Variants in SNTB2 observed in about 807,000 individuals in gnomAD.
SNTB2 encodes the protein beta-2-syntrophin.
In SNTB2, 34 loss-of-function variants were observed where a neutral mutation model predicts 46.2. The ratio of observed to expected loss-of-function variants is 0.74; its 90% confidence interval spans 0.56 to 0.98. The LOEUF is 0.98. SNTB2 is among the 50% of genes least tolerant of loss of function. The pLI is 0.00. For synonymous variants in SNTB2, 290 were observed against 312.6 expected (o/e 0.93, Z 0.76); for missense variants, 603 against 731.4 (o/e 0.82, Z 2.02).
chr16:69,279,045 T>C (rs1965011146), intron 4 of SNTB2, among the ~76,000 whole-genome samples: 1 of 152,032 alleles, frequency 6.6e-6, no homozygotes, highest in African/African-American at 2.4e-5. Flanking sequence ...CTCACAAAAT[T>C]TACCATCTAA....
chr16:69,221,661 A>G (rs1964406293), intron 1 of SNTB2, among the ~76,000 whole-genome samples: 1 of 152,166 alleles, frequency 6.6e-6, no homozygotes, highest in Non-Finnish European at 1.5e-5. Context: ...CTGTAATCCC[A>G]GCTCCTCGGG....
rs1032986410 is a variant in SNTB2 at position 69,232,502 on chromosome 16, C to CTT, written c.581-13074_581-13073dup. ...TTACAGGTGTGAGCCACGGTGCGGCCTTTTTTTTTTTTTTTTTTTTTTTTT... is the reference window on the plus strand; with the variant it reads ...TTACAGGTGTGAGCCACGGTGCGGCCTTTTTTTTTTTTTTTTTTTTTTTTTTT... On this transcript the variant is annotated intron_variant, in intron 1 of 6. Coordinates refer to ENST00000336278, the MANE Select transcript of SNTB2 (RefSeq NM_006750.4). Among the ~76,000 whole-genome samples the CTT allele has an allele frequency of 3.5e-3, 225 of 63,882 alleles. 54 individuals are homozygous for CTT. The highest frequency in any genetic ancestry group is 0.028 in the Middle Eastern group (2 of 72). 41.9% of individuals were successfully genotyped at this position (63,882 alleles called of 152,430 possible). A position where few individuals can be genotyped will look rare whatever the true frequency, so the allele number is the denominator to read the frequency against.
At chr16:69,295,538 G>A (rs1005002277) in intron 5 of SNTB2, among the ~76,000 whole-genome samples, 28 of 152,052 alleles carry the variant, frequency 1.8e-4, no homozygotes, top group South Asian at 1.5e-3. Context: ...GTGAGCCACC[G>A]CGCCCAGCCA....
At chr16:69,238,422 A>G (rs536892649) in intron 1 of SNTB2, among the ~76,000 whole-genome samples, 41 of 152,288 alleles carry the variant, frequency 2.7e-4, no homozygotes, top group Non-Finnish European at 5.0e-4. Flanking sequence ...CTCTGCCCAC[A>G]TCTTCATAAG....
intron 5 of SNTB2, among the ~76,000 whole-genome samples, chr16:69,291,984 C>T (rs1009888374): frequency 4.0e-5 from 6 of 151,202 alleles, no homozygotes; most frequent in Non-Finnish European, 8.8e-5. Flanking sequence ...CTTTGGGAGG[C>T]CGAGGTGGGC....
intron 1 of SNTB2, among the ~76,000 whole-genome samples, chr16:69,209,359 A>G (rs900989996): frequency 1.3e-5 from 2 of 152,150 alleles, no homozygotes; most frequent in Non-Finnish European, 1.5e-5. Context: ...TGCTGCTTCT[A>G]CCAATTCCAT....
rs936928379 is a variant in SNTB2 at position 69,257,669 on chromosome 16, T to C, written c.795-2381T>C. Among the ~76,000 whole-genome samples, 4 of 152,110 alleles carry C rather than the reference T, an allele frequency of 2.6e-5. No individual in the cohort carries two copies. In the South Asian group the frequency reaches 8.3e-4, roughly 32 times the overall value. On this transcript the variant is annotated intron_variant, in intron 2 of 6. Transcript: ENST00000336278. The stretch of plus-strand genomic sequence containing the variant: ...ACCATGTTAGCCAGGATGGTTTCGA[T>C]CTGCTGACCTTGTTATCCACCTGCC...
At position 69,230,099 on chromosome 16, in the gene SNTB2, TTTAAG is replaced by T. The variant is rs148393378; in HGVS notation, c.581-15498_581-15494del. Among the ~76,000 whole-genome samples, 1,075 of 152,148 alleles carry T rather than the reference TTTAAG, an allele frequency of 7.1e-3. 8 individuals carry two copies. Among genetic ancestry groups the T allele is most frequent in the African/African-American group, 0.023 (947 of 41,532 alleles). On this transcript the variant is annotated intron_variant, in intron 1 of 6. Coordinates refer to ENST00000336278, the MANE Select transcript of SNTB2 (RefSeq NM_006750.4). ...ACTGCATCTGGCCCGATGGCATGTATTTAAGTTAACTTTATAATAATTTATTACAG... is the reference window on the plus strand; with the variant it reads ...ACTGCATCTGGCCCGATGGCATGTATTTAACTTTATAATAATTTATTACAG...
intron 2 of SNTB2, among the ~76,000 whole-genome samples, chr16:69,247,445 C>G (rs375740027): frequency 3.5e-4 from 54 of 152,148 alleles, no homozygotes; most frequent in Non-Finnish European, 1.5e-5. Context: ...TGTGTTTTCA[C>G]TATTATGGTC....
rs565148531 is a variant in SNTB2, at chr16:69,206,332, C to A, written c.580+18586C>A. Among the ~76,000 whole-genome samples, 5 of 152,114 alleles carry A rather than the reference C, an allele frequency of 3.3e-5. No homozygotes were observed. The East Asian group carries it at 9.7e-4, about 29-fold the overall frequency. On this transcript the variant is annotated intron_variant, in intron 1 of 6. Coordinates refer to ENST00000336278, the MANE Select transcript of SNTB2 (RefSeq NM_006750.4). Reference sequence around the variant, plus strand: ...ACCTTTTAGCTTTTTGTTTAGCGATCATTATTACTCTTCTCTCCAGTAGAT... The same window carrying A: ...ACCTTTTAGCTTTTTGTTTAGCGATAATTATTACTCTTCTCTCCAGTAGAT...
chr16:69,286,240 T>G (rs928652851), intron 5 of SNTB2, among the ~76,000 whole-genome samples: 4 of 152,206 alleles, frequency 2.6e-5, no homozygotes, highest in Non-Finnish European at 5.9e-5. Context: ...CACAAGCCAC[T>G]GTGCCAGGCC....
In SNTB2 at chr16:69,308,939, A is replaced by T. The variant is rs1965335453; in HGVS notation, c.*8015A>T. 6.6e-6 allele frequency: 1 copy of T among 152,650 alleles called. No individual in the cohort carries two copies. Among genetic ancestry groups the T allele is most frequent in the Non-Finnish European group, 1.5e-5 (1 of 68,040 alleles). 9.5% of individuals were successfully genotyped at this position (152,650 alleles called of 1,614,324 possible). On this transcript the variant is annotated 3_prime_UTR_variant, in exon 7 of 7. Coordinates refer to ENST00000336278, the MANE Select transcript of SNTB2 (RefSeq NM_006750.4). ...AACACTTCCCCTTGAGTAGCACATC[A>T]ACATACAGCATTGTACATTACAATG... is the stretch of plus-strand genomic sequence containing the variant.
At chr16:69,274,052 G>A (rs540127146) in intron 4 of SNTB2, among the ~76,000 whole-genome samples, 5 of 152,112 alleles carry the variant, frequency 3.3e-5, no homozygotes, top group African/African-American at 7.2e-5. Flanking sequence ...AGTGGTTCAC[G>A]CCTATAATCC....
intron 2 of SNTB2, among the ~76,000 whole-genome samples, chr16:69,248,196 C>T (rs1434061130): frequency 1.3e-5 from 2 of 152,240 alleles, no homozygotes; most frequent in South Asian, 2.1e-4. Flanking sequence ...AAATTGTTGG[C>T]TTTGTTTTAA....
intron 1 of SNTB2, among the ~76,000 whole-genome samples, chr16:69,219,708 ATTTTATTTTATTTTG>A (rs895607119): frequency 2.0e-5 from 3 of 148,208 alleles, no homozygotes; most frequent in African/African-American, 7.8e-5. Flanking sequence ...TAGAAACCAG[ATTTTATTTTATTTTG>A]TTTTGTTTTG....
intron 1 of SNTB2, among the ~76,000 whole-genome samples, chr16:69,198,172 A>G (rs1477565407): frequency 2.0e-5 from 3 of 149,164 alleles, no homozygotes; most frequent in African/African-American, 7.4e-5. Context: ...GTGCAGTGGC[A>G]ATCTCAGCTC....
At chr16:69,280,953 A>G (rs897014970) in intron 4 of SNTB2, among the ~76,000 whole-genome samples, 1 of 151,976 alleles carries the variant, frequency 6.6e-6, no homozygotes, top group African/African-American at 2.4e-5. Flanking sequence ...GCCTGCCACC[A>G]TGCCCGGCTA....
At chr16:69,235,933 T>C (rs1441265458) in intron 1 of SNTB2, 1 of 1,053,774 alleles carries the variant, frequency 9.5e-7, no homozygotes. Flanking sequence ...TTATCTGTGC[T>C]ACATCTTAGT....
intron 2 of SNTB2, among the ~76,000 whole-genome samples, chr16:69,248,170 A>G (rs180882784): frequency 6.6e-6 from 1 of 152,312 alleles, no homozygotes; most frequent in Admixed American, 6.5e-5. Flanking sequence ...TTTGAAAATT[A>G]TAATCTGATG....
Sources: gnomAD v4.1 joint callset for allele counts (sites outside exome capture counted in the v4.1 genomes callset) on GRCh38, gnomAD v4.1.1 for gene constraint, MANE v1.5 for transcripts, NCBI Gene and HGNC (gene_info 2026-07-23, HGNC 2026-07-21) for gene names.